Variants in ANXA10 observed in about 807,000 individuals in gnomAD.
The protein encoded by ANXA10 is annexin 14.
ANXA10 carries 49 observed loss-of-function variants against 53.5 expected under a neutral mutation model. The observed-to-expected ratio is 0.92, with a 90% confidence interval of 0.73 to 1.16. ANXA10 has a LOEUF of 1.16. ANXA10 is among the 50% of genes most tolerant of loss of function. The pLI is 0.00. For missense variants in ANXA10, 393 were observed against 394.4 expected, an observed-to-expected ratio of 1.00 and a Z score of 0.03; for synonymous variants, 131 against 128.9, an observed-to-expected ratio of 1.02 and a Z score of -0.11.
chr4:168,125,099 C>G (rs528379019), intron 1 of ANXA10, among the ~76,000 whole-genome samples: 1 of 152,244 alleles, frequency 6.6e-6, no homozygotes, highest in East Asian at 1.9e-4. Flanking sequence ...ATTGAAACCA[C>G]TTTGGAAGAA....
chr4:168,123,248 G>A (rs1293066406), intron 1 of ANXA10, among the ~76,000 whole-genome samples: 1 of 151,052 alleles, frequency 6.6e-6, no homozygotes, highest in African/African-American at 2.4e-5. Context: ...CGTTGTTGAA[G>A]AAATCAGAGC....
chr4:168,169,625 G>A (rs1731945145), intron 6 of ANXA10, among the ~76,000 whole-genome samples: 2 of 152,140 alleles, frequency 1.3e-5, no homozygotes. Flanking sequence ...TAGAGATGAG[G>A]AGACTTAAGC....
intron 2 of ANXA10, among the ~76,000 whole-genome samples, chr4:168,128,551 T>G (rs2149469878): frequency 6.6e-6 from 1 of 152,278 alleles, no homozygotes; most frequent in African/African-American, 2.4e-5. Context: ...TCAATCAAAC[T>G]TTTTGCTATT....
chr4:168,158,453 A>G (rs1731726395), intron 3 of ANXA10, among the ~76,000 whole-genome samples: 1 of 152,090 alleles, frequency 6.6e-6, no homozygotes, highest in South Asian at 2.1e-4. Flanking sequence ...ATTTTTTCAT[A>G]TATTGTTTAT....
chr4:168,174,792 T>C (rs1265156239), intron 6 of ANXA10, among the ~76,000 whole-genome samples: 1 of 151,926 alleles, frequency 6.6e-6, no homozygotes, highest in African/African-American at 2.4e-5. Flanking sequence ...AAGTGCAGTG[T>C]GGAAGACTGA....
intron 1 of ANXA10, among the ~76,000 whole-genome samples, chr4:168,112,362 A>G (rs1355318675): frequency 2.6e-5 from 4 of 152,144 alleles, no homozygotes; most frequent in East Asian, 3.9e-4. Flanking sequence ...AAATATGTAA[A>G]TGTGACTTCA....
intron 6 of ANXA10, among the ~76,000 whole-genome samples, chr4:168,169,670 G>T (rs1449514315): frequency 6.6e-6 from 1 of 152,120 alleles, no homozygotes; most frequent in Non-Finnish European, 1.5e-5. Context: ...GACATTACAG[G>T]TCTACTTAAT....
At chr4:168,129,249 C>T (rs1037133926) in intron 2 of ANXA10, among the ~76,000 whole-genome samples, 12 of 152,098 alleles carry the variant, frequency 7.9e-5, no homozygotes, top group African/African-American at 1.2e-4. Flanking sequence ...AAAATATGCT[C>T]GCTAAAGCTG....
intron 9 of ANXA10, 25 bp from the exon 10 acceptor site, chr4:168,181,658 T>C (rs1423971745): frequency 6.3e-7 from 1 of 1,575,572 alleles, no homozygotes; most frequent in African/African-American, 1.3e-5. Context: ...TCAATGTTTC[T>C]TCTTCTCTCT....
At chr4:168,170,453 T>C (rs1316155386) in intron 6 of ANXA10, among the ~76,000 whole-genome samples, 1 of 152,264 alleles carries the variant, frequency 6.6e-6, no homozygotes, top group Middle Eastern at 3.4e-3. Context: ...CAACATTCTA[T>C]TGCTTGTGTT....
At chr4:168,119,315 AT>A (rs1252286285) in intron 1 of ANXA10, among the ~76,000 whole-genome samples, 1 of 152,192 alleles carries the variant, frequency 6.6e-6, no homozygotes, top group Non-Finnish European at 1.5e-5. Context: ...GCACATCCAC[AT>A]AATTGGAAAT....
chr4:168,127,817 CTTTTTTTTTTTTTTTTTT>C (rs766782048), intron 1 of ANXA10: 1 of 143,768 alleles, frequency 7.0e-6, no homozygotes. Context: ...ATGTTGAAAC[CTTTTTTTTTTTTTTTTTT>C]TTTTTTTTTG....
chr4:168,183,418 C>T (rs1249938926), intron 10 of ANXA10, among the ~76,000 whole-genome samples: 1 of 152,202 alleles, frequency 6.6e-6, no homozygotes, highest in Non-Finnish European at 1.5e-5. Flanking sequence ...AGGATGATTT[C>T]AATTGTTTCC....
At chr4:168,136,431 T>C (rs1262506500) in intron 2 of ANXA10, among the ~76,000 whole-genome samples, 2 of 152,148 alleles carry the variant, frequency 1.3e-5, no homozygotes, top group East Asian at 1.9e-4. Flanking sequence ...CAATGTACAA[T>C]TGGGGTACAG....
At chr4:168,115,508 C>T (rs1318240239) in intron 1 of ANXA10, among the ~76,000 whole-genome samples, 1 of 139,858 alleles carries the variant, frequency 7.2e-6, no homozygotes, top group Non-Finnish European at 1.6e-5. Context: ...CACACACACA[C>T]ACACACACAC....
chr4:168,140,912 G>A (rs1385497491), intron 3 of ANXA10, among the ~76,000 whole-genome samples: 1 of 152,206 alleles, frequency 6.6e-6, no homozygotes, highest in African/African-American at 2.4e-5. Flanking sequence ...GAGCCACTGT[G>A]CCCAGAGAAG....
chr4:168,135,414 C>T (rs1221607139), intron 2 of ANXA10, among the ~76,000 whole-genome samples: 1 of 152,150 alleles, frequency 6.6e-6, no homozygotes, highest in African/African-American at 2.4e-5. Context: ...ACTTACATCT[C>T]TAAGAGGCAG....
At chr4:168,161,518 G>C (rs774251132) in intron 3 of ANXA10, among the ~76,000 whole-genome samples, 1 of 152,040 alleles carries the variant, frequency 6.6e-6, no homozygotes, top group Non-Finnish European at 1.5e-5. Context: ...TGTTCTTTTT[G>C]CTTAGGATTG....
chr4:168,184,536 TC>T, intron 10 of ANXA10, 22 bp from the exon 11 acceptor site: 1 of 1,612,594 alleles, frequency 6.2e-7, no homozygotes, highest in Non-Finnish European at 8.5e-7. Context: ...TTCTCATTTC[TC>T]CCACTTTTCT....
Sources: allele counts gnomAD v4.1 joint callset (sites outside exome capture counted in the v4.1 genomes callset), GRCh38; gene constraint gnomAD v4.1.1; transcripts MANE v1.5; gene names NCBI Gene and HGNC (gene_info 2026-07-23, HGNC 2026-07-21).